Variants in S100Z observed in about 807,000 individuals in gnomAD.
S100Z encodes the protein S100 calcium binding protein Z, also known as protein S100-Z.
Under a neutral mutation model 8.5 loss-of-function variants are expected in S100Z, and 11 were observed. The observed-to-expected ratio is 1.30, with a 90% CI of 0.82 to 2.15. The LOEUF (loss-of-function observed/expected upper bound fraction) is 2.15. Ranked by LOEUF, S100Z falls within the 30% of genes most tolerant of loss-of-function variation. The pLI, the probability that S100Z is intolerant of heterozygous loss-of-function variation, is 0.00. For synonymous variants in S100Z, 34 were observed against 43.8 expected (o/e 0.78, Z 0.89); for missense variants, 126 against 117.9 (o/e 1.07, Z -0.32).
At chr5:76,856,782 T>G (rs1246903998) in intron 1 of S100Z, among the ~76,000 whole-genome samples, 2 of 152,194 alleles carry the variant, frequency 1.3e-5, no homozygotes, top group East Asian at 3.8e-4. Flanking sequence ...CTGATACGAC[T>G]CTCAGGGGCC....
chr5:76,883,053 A>G (rs1743471174), intron 4 of S100Z, among the ~76,000 whole-genome samples: 1 of 152,160 alleles, frequency 6.6e-6, no homozygotes. Flanking sequence ...GGGAGAGTTT[A>G]CAGGCTTTAA....
At chr5:76,904,013 G>A (rs1396017040) in intron 4 of S100Z, among the ~76,000 whole-genome samples, 1 of 151,844 alleles carries the variant, frequency 6.6e-6, no homozygotes, top group Non-Finnish European at 1.5e-5. Flanking sequence ...AGGATTACAG[G>A]CATGAGCCAC....
chr5:76,923,523 G>A (rs905022128), downstream of S100Z, among the ~76,000 whole-genome samples: 4 of 152,274 alleles, frequency 2.6e-5, no homozygotes, highest in South Asian at 2.1e-4. Context: ...ACCCCAATGG[G>A]GGAGGGCAGG....
At chr5:76,885,057 C>T (rs1743552186) in intron 4 of S100Z, among the ~76,000 whole-genome samples, 1 of 152,156 alleles carries the variant, frequency 6.6e-6, no homozygotes, top group African/African-American at 2.4e-5. Context: ...ATGGAGAAAT[C>T]ATAAGTGCCG....
At chr5:76,924,520 C>T (rs905967024), downstream of S100Z, among the ~76,000 whole-genome samples, 13 of 152,224 alleles carry the variant, frequency 8.5e-5, no homozygotes, top group African/African-American at 2.6e-4. Context: ...CTCAGGACCC[C>T]GGAGAAGTTA....
At chr5:76,894,255 C>T (rs1474984931) in intron 4 of S100Z, among the ~76,000 whole-genome samples, 1 of 152,188 alleles carries the variant, frequency 6.6e-6, no homozygotes, top group African/African-American at 2.4e-5. Flanking sequence ...CAATTGTCAA[C>T]CAGAAAATGT....
chr5:76,900,135 G>A (rs925949662), intron 4 of S100Z, among the ~76,000 whole-genome samples: 4 of 152,102 alleles, frequency 2.6e-5, no homozygotes, highest in African/African-American at 9.7e-5. Context: ...TATGTTATTT[G>A]TTTCTTTTGC....
the S100Z span, among the ~76,000 whole-genome samples, chr5:76,942,439 A>G: frequency 2.0e-5 from 3 of 151,814 alleles, no homozygotes; most frequent in Admixed American, 2.0e-4. Flanking sequence ...TGGCCAAAAA[A>G]AAAAGCAAAA....
At chr5:76,893,174 T>C (rs1472541309) in intron 4 of S100Z, among the ~76,000 whole-genome samples, 1 of 152,172 alleles carries the variant, frequency 6.6e-6, no homozygotes, top group Non-Finnish European at 1.5e-5. Flanking sequence ...ATATTAACTT[T>C]AAACAACAGA....
chr5:76,859,976 G>T (rs1020512702), intron 1 of S100Z, among the ~76,000 whole-genome samples: 1 of 152,122 alleles, frequency 6.6e-6, no homozygotes, highest in African/African-American at 2.4e-5. Flanking sequence ...GAATCTGCTG[G>T]TTTTCTGGAT....
chr5:76,939,889 G>T, the S100Z span, among the ~76,000 whole-genome samples: 1 of 152,020 alleles, frequency 6.6e-6, no homozygotes, highest in Non-Finnish European at 1.5e-5. Context: ...GCCAGGCGCG[G>T]TGGCTCACGC....
intron 4 of S100Z, among the ~76,000 whole-genome samples, chr5:76,895,849 G>T (rs552124752): frequency 7.9e-6 from 1 of 127,172 alleles, no homozygotes; most frequent in Non-Finnish European, 1.6e-5. Flanking sequence ...TGCAATCTCC[G>T]CCTCCCAGGT....
intron 1 of S100Z, among the ~76,000 whole-genome samples, chr5:76,867,383 G>C (rs2150630966): frequency 6.6e-6 from 1 of 152,222 alleles, no homozygotes; most frequent in Non-Finnish European, 1.5e-5. Flanking sequence ...TTGGCCCCAG[G>C]GCAGTTCCTG....
chr5:76,936,960 T>C, the S100Z span, among the ~76,000 whole-genome samples: 24 of 152,224 alleles, frequency 1.6e-4, no homozygotes, highest in East Asian at 2.7e-3. Flanking sequence ...AACAGGAGTA[T>C]GGAAGCTTAT....
chr5:76,899,515 T>C (rs1306332912), intron 4 of S100Z, among the ~76,000 whole-genome samples: 1 of 152,136 alleles, frequency 6.6e-6, no homozygotes, highest in African/African-American at 2.4e-5. Context: ...GTGTATCCAT[T>C]GCATATTTTT....
At chr5:76,926,049 T>C (rs1037270847), downstream of S100Z, among the ~76,000 whole-genome samples, 7 of 152,160 alleles carry the variant, frequency 4.6e-5, no homozygotes, top group African/African-American at 1.7e-4. Flanking sequence ...TCAGTGTGTG[T>C]CATTGTGGCA....
At position 76,899,894 on chromosome 5, in the gene S100Z, C is replaced by A. The variant is rs2150669374; in HGVS notation, c.*3-20823C>A. Among the ~76,000 whole-genome samples, 3 of 152,246 alleles carry A rather than the reference C, an allele frequency of 2.0e-5. No homozygotes were observed. The Middle Eastern group carries it at 0.01, about 518-fold the overall frequency. ...CATTATTGTCCTTTTCTTTTTGATT[C>A]ATGTACTCCCTTGAACACTTCTTGT... is the stretch of plus-strand genomic sequence containing the variant. On this transcript the variant is annotated intron_variant, in intron 4 of 4. Coordinates refer to ENST00000317593, the MANE Select transcript of S100Z (RefSeq NM_130772.4).
the S100Z span, among the ~76,000 whole-genome samples, chr5:76,947,189 C>T: frequency 1.3e-5 from 2 of 151,086 alleles, no homozygotes; most frequent in Admixed American, 6.6e-5. Flanking sequence ...GCCTTTAATC[C>T]CCCACGTCCT....
intron 3 of S100Z, 36 bp from the exon 4 acceptor site, chr5:76,877,638 G>C: frequency 7.1e-7 from 1 of 1,400,094 alleles, no homozygotes; most frequent in Non-Finnish European, 1.0e-6. Context: ...ATGAACCTCA[G>C]AGCCAGGGAG....
Sources: gnomAD v4.1 joint callset for allele counts (sites outside exome capture counted in the v4.1 genomes callset) on GRCh38, gnomAD v4.1.1 for gene constraint, MANE v1.5 for transcripts, NCBI Gene and HGNC (gene_info 2026-07-23, HGNC 2026-07-21) for gene names.